Variants in IDE observed in about 807,000 individuals in gnomAD.
IDE encodes the protein insulin degrading enzyme.
IDE carries 58 observed loss-of-function variants against 133.2 expected under a neutral mutation model. The ratio of observed to expected loss-of-function variants is 0.44; its 90% CI spans 0.35 to 0.54. The LOEUF is 0.54. Among genes scored for constraint, IDE ranks in the 20% least tolerant of loss-of-function variants. IDE has a pLI of 0.00. For missense variants in IDE, 981 were observed against 1,234.0 expected (o/e 0.79, Z 3.07); for synonymous variants, 396 against 421.3 (o/e 0.94, Z 0.73).
intron 13 of IDE, 105 bp downstream of exon 13, chr10:92,487,091 G>T: frequency 2.8e-6 from 3 of 1,064,764 alleles, no homozygotes; most frequent in Non-Finnish European, 4.0e-6. Flanking sequence ...TAGGATGTGA[G>T]CCTCCCCAAA....
rs1564647602 is a variant in IDE at position 92,524,380 on chromosome 10, TA to T, written c.661+7367del. On this transcript the variant is annotated intron_variant, in intron 4 of 24. Transcript: ENST00000265986. ...ATTTTATATTATAATATATATTATATATAATATATTTTATATAATATATAAT... is the reference window on the plus strand; with the variant it reads ...ATTTTATATTATAATATATATTATATTAATATATTTTATATAATATATAAT... 4.4e-3 allele frequency among the ~76,000 whole-genome samples: 420 copies of T among 95,266 alleles called. 35 individuals carry two copies. Among genetic ancestry groups the T allele is most frequent in the African/African-American group, 0.016 (365 of 23,548 alleles). The allele number at this position is 95,266 out of a possible 152,430, so 62.5% of individuals were successfully genotyped here.
chr10:92,567,282 G>A (rs986100794), intron 1 of IDE, among the ~76,000 whole-genome samples: 2 of 152,058 alleles, frequency 1.3e-5, no homozygotes, highest in African/African-American at 2.4e-5. Flanking sequence ...GGGTCTCCCC[G>A]ACAAGAGTTT....
At chr10:92,487,873 T>C (rs1438827615) in intron 12 of IDE, among the ~76,000 whole-genome samples, 1 of 152,200 alleles carries the variant, frequency 6.6e-6, no homozygotes, top group African/African-American at 2.4e-5. Context: ...CTCAACTCAC[T>C]GCAACCTCCA....
intron 4 of IDE, among the ~76,000 whole-genome samples, chr10:92,525,289 C>T (rs1374388378): frequency 1.3e-5 from 2 of 152,126 alleles, no homozygotes; most frequent in Non-Finnish European, 2.9e-5. Flanking sequence ...ATCACAGTAA[C>T]AGAATCAAGG....
chr10:92,488,516 G>A (rs1031089854), intron 12 of IDE, among the ~76,000 whole-genome samples: 3 of 152,066 alleles, frequency 2.0e-5, no homozygotes, highest in Admixed American at 6.6e-5. Flanking sequence ...GGTGGCTCAC[G>A]CCTGTAATCC....
chr10:92,465,639 T>C, intron 20 of IDE, 37 bp downstream of exon 20: 3 of 1,552,332 alleles, frequency 1.9e-6, no homozygotes, highest in Non-Finnish European at 2.6e-6. Flanking sequence ...TTCATCAAAG[T>C]CTACAGTACC....
chr10:92,472,554 G>A (rs55968843), intron 17 of IDE, among the ~76,000 whole-genome samples: 2 of 151,802 alleles, frequency 1.3e-5, no homozygotes, highest in African/African-American at 4.8e-5. Context: ...TACTTTGCTC[G>A]ATTTGTGTCA....
At chr10:92,556,962 A>G (rs1218463683) in intron 1 of IDE, among the ~76,000 whole-genome samples, 1 of 152,078 alleles carries the variant, frequency 6.6e-6, no homozygotes, top group Non-Finnish European at 1.5e-5. Context: ...ATTTAACAAA[A>G]GAAATGTAAA....
In IDE at chr10:92,479,267, G is replaced by T; in HGVS notation, c.1884+10C>A. 1 of 1,593,198 alleles carries T rather than the reference G, an allele frequency of 6.3e-7. No individual in the cohort carries two copies. The highest frequency in any genetic ancestry group is 1.1e-5 in the South Asian group (1 of 90,030). Reference sequence around the variant, plus strand: ...TGATGAGTGGAAGGCTCTAAGGCGTGGGTACTTACATACATCCCATAGATG... The same window carrying T: ...TGATGAGTGGAAGGCTCTAAGGCGTTGGTACTTACATACATCCCATAGATG... On this transcript the variant is annotated intron_variant, in intron 15 of 24. Coordinates refer to ENST00000265986, the MANE Select transcript of IDE (RefSeq NM_004969.4).
chr10:92,458,937 T>A (rs1292368226), intron 22 of IDE, among the ~76,000 whole-genome samples: 2 of 152,118 alleles, frequency 1.3e-5, no homozygotes, highest in Non-Finnish European at 2.9e-5. Context: ...ACAAGAGTAA[T>A]TTAGATGAGA....
At chr10:92,537,598 A>C (rs1842079842) in intron 1 of IDE, 48 bp from the exon 2 acceptor site, 4 of 1,367,444 alleles carry the variant, frequency 2.9e-6, no homozygotes, top group Non-Finnish European at 4.1e-6. Flanking sequence ...TTTATATTTA[A>C]GGACAAACAA....
At chr10:92,543,106 C>T (rs1326115578) in intron 1 of IDE, among the ~76,000 whole-genome samples, 1 of 152,208 alleles carries the variant, frequency 6.6e-6, no homozygotes, top group African/African-American at 2.4e-5. Context: ...TAAACCTGAA[C>T]AGGTGAGTGA....
chr10:92,483,210 T>C (rs1187047025), intron 14 of IDE, 45 bp downstream of exon 14: 1 of 961,486 alleles, frequency 1.0e-6, no homozygotes, highest in Non-Finnish European at 1.7e-6. Context: ...GGAAACGTAA[T>C]TGTTGATTTT....
At chr10:92,526,845 C>CAAA (rs1165598095) in intron 4 of IDE, among the ~76,000 whole-genome samples, 28 of 54,276 alleles carry the variant, frequency 5.2e-4, no homozygotes, top group African/African-American at 1.6e-3. Flanking sequence ...GGCCCTGTCT[C>CAAA]AAAAAAAAAA....
At chr10:92,524,391 T>TTA (rs1849439051) in intron 4 of IDE, among the ~76,000 whole-genome samples, 1 of 83,088 alleles carries the variant, frequency 1.2e-5, no homozygotes, top group African/African-American at 4.9e-5. Flanking sequence ...ATAATATATT[T>TTA]TATATAATAT....
chr10:92,558,903 A>G (rs1479602331), intron 1 of IDE: 1 of 151,474 alleles, frequency 6.6e-6, no homozygotes, highest in Non-Finnish European at 1.5e-5. Flanking sequence ...CCTAGAGAAT[A>G]TATTTTAAAA....
intron 1 of IDE, among the ~76,000 whole-genome samples, chr10:92,564,671 CAAAAAAAAAAAAAAAAAAAAAA>C (rs532861372): frequency 4.1e-4 from 13 of 31,582 alleles, no homozygotes; most frequent in Non-Finnish European, 6.7e-4. Context: ...GAGACTGTCT[CAAAAAAAAAAAAAAAAAAAAAA>C]AAAAAAAAAA....
intron 18 of IDE, 117 bp downstream of exon 18, chr10:92,470,137 A>T: frequency 1.6e-6 from 1 of 610,558 alleles, no homozygotes; most frequent in Non-Finnish European, 2.8e-6. Context: ...AAGAGGGTTG[A>T]GTAAACTCTA....
At chr10:92,491,831 G>C (rs1847366141) in intron 11 of IDE, among the ~76,000 whole-genome samples, 1 of 151,214 alleles carries the variant, frequency 6.6e-6, no homozygotes, top group Non-Finnish European at 1.5e-5. Flanking sequence ...GGCTGGTCTT[G>C]AACTCCTGAC....
Sources: gnomAD v4.1 joint callset for allele counts (sites outside exome capture counted in the v4.1 genomes callset) on GRCh38, gnomAD v4.1.1 for gene constraint, MANE v1.5 for transcripts, NCBI Gene and HGNC (gene_info 2026-07-23, HGNC 2026-07-21) for gene names.